The following DHX57 variants were observed in gnomAD, a reference collection of about 807,000 sequenced individuals.
DHX57 encodes the protein DExH-box helicase 57, also known as putative ATP-dependent RNA helicase DHX57.
A neutral mutation model predicts 156.2 loss-of-function variants in DHX57; 105 were observed. The observed-to-expected ratio is 0.67, with a 90% CI of 0.57 to 0.79. DHX57 has a LOEUF of 0.79. Among genes scored for constraint, DHX57 ranks in the 30% least tolerant of loss-of-function variants. DHX57 has a pLI of 0.00. For synonymous variants in DHX57, 704 were observed against 595.6 expected (o/e 1.18, Z -2.65); for missense variants, 1,847 against 1,661.9 (o/e 1.11, Z -1.94).
chr2:38,826,528 A>C lies in DHX57; in HGVS notation c.2801T>G (p.Met934Arg), dbSNP rs979308867. 1.1e-5 allele frequency: 18 copies of C among 1,613,542 alleles called. No homozygotes were observed. Among genetic ancestry groups the C allele is most frequent in the Non-Finnish European group, 1.5e-5 (18 of 1,179,768 alleles). ...CAAGACGGAATACCTCTTTTCTTTC[A>C]TTTTCCCAGAATCGATAACATAGAC... ...DVVYVIDSGK[M>R]KEKRYDASKG... is the part of the protein sequence containing the mutation. The change falls in exon 15 of 24, where the codon ATG (methionine) becomes AGG (arginine). Residue 934 changes from methionine (M) to arginine (R), a missense_variant. Transcript: ENST00000457308.
chr2:38,816,246 G>C (rs140059191), intron 19 of DHX57: 43,069 of 463,300 alleles, frequency 0.093, 2,287 homozygotes, highest in Non-Finnish European at 0.11. Flanking sequence ...ACAGAGTCTT[G>C]CTCTGTCATC....
At chr2:38,854,817 C>G (rs1672798256) in intron 8 of DHX57, 2 of 356,302 alleles carry the variant, frequency 5.6e-6, no homozygotes, top group Non-Finnish European at 1.0e-5. Flanking sequence ...CTGCCTTGGC[C>G]TCTCAAAGTG....
At position 38,811,644 on chromosome 2, in the gene DHX57, T is replaced by C. The variant is rs1670254592; in HGVS notation, c.3681+2177A>G. 3 of 1,296,332 alleles carry C rather than the reference T, an allele frequency of 2.3e-6. No individual in the cohort carries two copies. In the East Asian group the frequency reaches 7.2e-5, roughly 31 times the overall value. 80.3% of individuals were successfully genotyped at this position (1,296,332 alleles called of 1,614,324 possible). A position where few individuals can be genotyped will look rare whatever the true frequency, so the allele number is the denominator to read the frequency against. On this transcript the variant is annotated intron_variant, in intron 21 of 23. Transcript: ENST00000457308. ...ACTGTAGGCCAGAACCATGGAGCCT[T>C]TGCTGAACATAGCATCTGGGATTGG...
chr2:38,805,998 G>A (rs935355293), intron 22 of DHX57, among the ~76,000 whole-genome samples: 1 of 151,890 alleles, frequency 6.6e-6, no homozygotes, highest in African/African-American at 2.4e-5. Context: ...GAGATAGAGG[G>A]GATGAATAGA....
At chr2:38,830,255 G>A (rs1671311560) in intron 13 of DHX57, among the ~76,000 whole-genome samples, 1 of 152,220 alleles carries the variant, frequency 6.6e-6, no homozygotes, top group East Asian at 1.9e-4. Context: ...AGATCTTATA[G>A]CATTTTAAAA....
At chr2:38,839,266 G>C (rs957659669) in intron 12 of DHX57, among the ~76,000 whole-genome samples, 15 of 151,836 alleles carry the variant, frequency 9.9e-5, no homozygotes, top group African/African-American at 3.6e-4. Context: ...ATATTGTTGG[G>C]GTGACTAACT....
At chr2:38,852,443 G>A (rs763028706) in intron 9 of DHX57, among the ~76,000 whole-genome samples, 1 of 149,682 alleles carries the variant, frequency 6.7e-6, no homozygotes, top group Non-Finnish European at 1.5e-5. Flanking sequence ...TATTTATTGT[G>A]GTACAATACT....
intron 16 of DHX57, among the ~76,000 whole-genome samples, chr2:38,825,554 C>G (rs1263271210): frequency 6.6e-6 from 1 of 152,164 alleles, no homozygotes; most frequent in South Asian, 2.1e-4. Context: ...CCACCTGCCT[C>G]AGTCTCCCAA....
At position 38,798,281 on chromosome 2, in the gene DHX57, A is replaced by T. The variant is rs766604121; in HGVS notation, c.*18T>A. The T allele has an allele frequency of 8.7e-6, 14 of 1,600,248 alleles. No homozygotes were observed. In the African/African-American group the frequency reaches 1.9e-4, roughly 22 times the overall value. On this transcript the variant is annotated 3_prime_UTR_variant, in exon 24 of 24. Coordinates refer to ENST00000457308, the MANE Select transcript of DHX57 (RefSeq NM_198963.3). ...AGCTAGAAGCAGGTGAGTAGCAAGC[A>T]CTCTCTAAGACTGCTTTTTATTGTG...
At position 38,798,033 on chromosome 2, in the gene DHX57, TC is replaced by T; in HGVS notation, c.*265del. The T allele has an allele frequency of 5.6e-6, 2 of 360,318 alleles. No homozygotes were observed. Among genetic ancestry groups the T allele is most frequent in the Non-Finnish European group, 1.1e-5 (2 of 190,390 alleles). 22.3% of individuals were successfully genotyped at this position (360,318 alleles called of 1,614,324 possible). A position where few individuals can be genotyped will look rare whatever the true frequency, so the allele number is the denominator to read the frequency against. On this transcript the variant is annotated 3_prime_UTR_variant, in exon 24 of 24. Coordinates refer to ENST00000457308, the MANE Select transcript of DHX57 (RefSeq NM_198963.3). ...GAGTTATCAGGTGAACTTAATTCACTCCAGAACAATCACAGAGACAAAGACA... is the reference window on the plus strand; with the variant it reads ...GAGTTATCAGGTGAACTTAATTCACTCAGAACAATCACAGAGACAAAGACA...
intron 13 of DHX57, 124 bp from the exon 14 acceptor site, chr2:38,828,560 G>A: frequency 9.6e-6 from 6 of 625,096 alleles, no homozygotes; most frequent in South Asian, 9.6e-5. Context: ...TTATAAAGCT[G>A]TTTTTAACCA....
At chr2:38,825,395 T>A (rs1671036869) in intron 16 of DHX57, among the ~76,000 whole-genome samples, 1 of 152,160 alleles carries the variant, frequency 6.6e-6, no homozygotes, top group African/African-American at 2.4e-5. Context: ...CTCTGCCTCC[T>A]GGGTTCAAGA....
At chr2:38,831,179 T>C (rs1671359996) in intron 13 of DHX57, among the ~76,000 whole-genome samples, 1 of 152,030 alleles carries the variant, frequency 6.6e-6, no homozygotes, top group Non-Finnish European at 1.5e-5. Flanking sequence ...TATATATGGA[T>C]TGAAAAAATT....
At chr2:38,840,280 T>C (rs1323325215) in intron 12 of DHX57, among the ~76,000 whole-genome samples, 3 of 152,130 alleles carry the variant, frequency 2.0e-5, no homozygotes, top group Non-Finnish European at 2.9e-5. Flanking sequence ...TGATCATTAA[T>C]TTTTTCAAAG....
intron 2 of DHX57, among the ~76,000 whole-genome samples, chr2:38,867,901 C>T (rs1034773059): frequency 5.3e-5 from 8 of 152,176 alleles, no homozygotes; most frequent in Non-Finnish European, 1.0e-4. Flanking sequence ...GTCTATGATG[C>T]ATAAGGAATA....
chr2:38,847,739 T>C (rs747824779), intron 10 of DHX57, among the ~76,000 whole-genome samples: 11 of 152,158 alleles, frequency 7.2e-5, no homozygotes, highest in Non-Finnish European at 1.2e-4. Flanking sequence ...AATGGAATGC[T>C]AGAAATAAGT....
At chr2:38,809,704 C>T (rs1670142221) in intron 21 of DHX57, among the ~76,000 whole-genome samples, 1 of 151,966 alleles carries the variant, frequency 6.6e-6, no homozygotes, top group Admixed American at 6.6e-5. Context: ...ACCTTGTGAT[C>T]CACCCTCCTC....
intron 12 of DHX57, among the ~76,000 whole-genome samples, chr2:38,841,445 T>C (rs1394938930): frequency 2.6e-5 from 4 of 152,176 alleles, no homozygotes; most frequent in Admixed American, 1.3e-4. Context: ...TCTCTCAATA[T>C]TGCGAAGATG....
At chr2:38,814,497 T>C (rs1670425043) in intron 20 of DHX57, among the ~76,000 whole-genome samples, 1 of 152,176 alleles carries the variant, frequency 6.6e-6, no homozygotes, top group Non-Finnish European at 1.5e-5. Flanking sequence ...GTTCATGAGA[T>C]GTTCAGAATC....
Sources: gnomAD v4.1 joint callset for allele counts (sites outside exome capture counted in the v4.1 genomes callset) on GRCh38, gnomAD v4.1.1 for gene constraint, MANE v1.5 for transcripts, NCBI Gene and HGNC (gene_info 2026-07-23, HGNC 2026-07-21) for gene names.